Variants in ERCC4 observed in about 807,000 individuals in gnomAD.
ERCC4 encodes the protein DNA repair endonuclease XPF.
ERCC4 carries 65 observed loss-of-function variants against 76.9 expected under a neutral mutation model. The ratio of observed to expected loss-of-function variants is 0.84; its 90% confidence interval spans 0.69 to 1.04. The LOEUF (loss-of-function observed/expected upper bound fraction) is 1.04. Among genes scored for constraint, ERCC4 ranks in the 50% least tolerant of loss-of-function variants. ERCC4 has a pLI of 0.00. For synonymous variants in ERCC4, 463 were observed against 410.1 expected (o/e 1.13, Z -1.56); for missense variants, 1,214 against 1,128.2 (o/e 1.08, Z -1.09).
At chr16:13,923,609 C>G (rs2141941582) in intron 2 of ERCC4, among the ~76,000 whole-genome samples, 1 of 152,280 alleles carries the variant, frequency 6.6e-6, no homozygotes, top group East Asian at 1.9e-4. Context: ...TGCTAACACC[C>G]TGCTTACAAA....
At chr16:13,932,311 A>C in intron 6 of ERCC4, 26 bp downstream of exon 6, 1 of 1,598,810 alleles carries the variant, frequency 6.3e-7, no homozygotes, top group Non-Finnish European at 8.6e-7. Flanking sequence ...AAGTCTTTAA[A>C]TGTGTTTTTT....
Position 13,952,152 on chromosome 16 carries a change from GTTGTAT to G in ERCC4, c.*3810_*3815del, listed in dbSNP as rs748796519. 1.6e-5 allele frequency: 3 copies of G among 187,584 alleles called. No homozygotes were observed. The highest frequency in any genetic ancestry group is 3.4e-5 in the Non-Finnish European group (3 of 89,324). 11.6% of individuals were successfully genotyped at this position (187,584 alleles called of 1,614,324 possible). On this transcript the variant is annotated 3_prime_UTR_variant, in exon 11 of 11. Coordinates refer to ENST00000311895, the MANE Select transcript of ERCC4 (RefSeq NM_005236.3). ...ACTGATTTATATGAATTTTAACAGA[GTTGTAT>G]TTGTGTGTGTTTAATAAAATATATA...
At chr16:13,921,493 C>G (rs908288933) in intron 1 of ERCC4, among the ~76,000 whole-genome samples, 1 of 152,122 alleles carries the variant, frequency 6.6e-6, no homozygotes, top group African/African-American at 2.4e-5. Flanking sequence ...ATCTAGGTAT[C>G]CCCAGTGCTT....
chr16:13,935,581 C>G lies in ERCC4; in HGVS notation c.1649C>G (p.Pro550Arg), dbSNP rs770347803. The change falls in exon 8 of 11, where the codon CCC becomes CGC. Residue 550 changes from proline (P) to arginine (R), a missense_variant. Transcript: ENST00000311895. ...GCTGCTTTCGGAATCCTGAAAGAAC[C>G]CCTCACTATCATCCATCCGCTTCTG... The part of the protein sequence containing the change: ...SDAAFGILKE[P>R]LTIIHPLLGC... 8 of 1,614,096 alleles carry G rather than the reference C, an allele frequency of 5.0e-6. No homozygotes were observed. In the South Asian group the frequency reaches 6.6e-5, roughly 13 times the overall value.
intron 3 of ERCC4, among the ~76,000 whole-genome samples, chr16:13,927,226 A>G (rs1030601027): frequency 6.6e-6 from 1 of 152,246 alleles, no homozygotes; most frequent in Non-Finnish European, 1.5e-5. Flanking sequence ...TTTGCAACCT[A>G]TGCTACCATG....
chr16:13,921,545 G>A (rs537840775), intron 1 of ERCC4, among the ~76,000 whole-genome samples: 2 of 152,190 alleles, frequency 1.3e-5, no homozygotes, highest in Non-Finnish European at 2.9e-5. Flanking sequence ...AGTAAAGATG[G>A]TTTTAAACTG....
chr16:13,943,427 A>C (rs1277655440), intron 9 of ERCC4, among the ~76,000 whole-genome samples: 2 of 152,228 alleles, frequency 1.3e-5, no homozygotes, highest in African/African-American at 2.4e-5. Flanking sequence ...AATGAGTGCC[A>C]GCAGGACAAA....
At chr16:13,947,514 A>G in intron 10 of ERCC4, 100 bp from the exon 11 acceptor site, 1 of 1,124,798 alleles carries the variant, frequency 8.9e-7, no homozygotes, top group Admixed American at 1.7e-5. Flanking sequence ...TTATGTAACC[A>G]TCCATCAGAG....
intron 9 of ERCC4, among the ~76,000 whole-genome samples, chr16:13,943,741 T>C (rs1329647514): frequency 1.3e-5 from 2 of 152,168 alleles, no homozygotes; most frequent in Non-Finnish European, 2.9e-5. Context: ...GTTTTTTTTT[T>C]TCTTCTCATG....
Position 13,926,618 on chromosome 16 carries a change from T to C in ERCC4, c.446T>C (p.Leu149Ser). The C allele has an allele frequency of 6.2e-7, 1 of 1,614,198 alleles. No individual in the cohort carries two copies. Among genetic ancestry groups the C allele is most frequent in the South Asian group, 1.1e-5 (1 of 91,080 alleles). The change falls in exon 3 of 11, where the codon TTG (leucine) becomes TCG (serine). Residue 149 changes from leucine to serine, a missense_variant. By Grantham distance (145) the Leu-to-Ser change is moderately radical. Transcript: ENST00000311895. ...GAGTCTTGTCAAGAAGCATTCATCT[T>C]GCGCCTCTTTCGCCAGAAAAACAAA... The part of the protein sequence containing the change: ...IIESCQEAFI[L>S]RLFRQKNKRG...
chr16:13,926,723 A>G lies in ERCC4; in HGVS notation c.551A>G (p.Asn184Ser), dbSNP rs2032079923. Residue 184 changes from asparagine (N) to serine (S), a missense_variant, in exon 3 of 11, where the codon AAT becomes AGT. Coordinates refer to ENST00000311895, the MANE Select transcript of ERCC4 (RefSeq NM_005236.3). The stretch of plus-strand genomic sequence containing the variant: ...TGTCATGTGGAAAGAGTGATGAGAA[A>G]TCTTTTTGTGAGGAAACTGTATCTG... ...GFCHVERVMRNLFVRKLYLWP... is the reference protein window; with the variant it reads ...GFCHVERVMRSLFVRKLYLWP... The G allele has an allele frequency of 6.2e-7, 1 of 1,614,004 alleles. No individual in the cohort carries two copies. The highest frequency in any genetic ancestry group is 8.5e-7 in the Non-Finnish European group (1 of 1,179,936).
intron 10 of ERCC4, among the ~76,000 whole-genome samples, chr16:13,947,038 A>G (rs2032528054): frequency 6.6e-6 from 1 of 152,222 alleles, no homozygotes; most frequent in African/African-American, 2.4e-5. Context: ...CTGGGATCAC[A>G]GGCGTGAGCC....
chr16:13,944,856 G>C, intron 10 of ERCC4, 21 bp downstream of exon 10: 2 of 1,476,690 alleles, frequency 1.4e-6, no homozygotes, highest in Non-Finnish European at 1.9e-6. Flanking sequence ...CACTTTGTCA[G>C]GCACCTCCAT....
At chr16:13,922,002 G>A in intron 1 of ERCC4, 29 bp from the exon 2 acceptor site, 1 of 1,543,216 alleles carries the variant, frequency 6.5e-7, no homozygotes. Flanking sequence ...GTATTAAATA[G>A]CCTACTAATC....
chr16:13,923,308 A>G (rs944322813), intron 2 of ERCC4, among the ~76,000 whole-genome samples: 3 of 152,196 alleles, frequency 2.0e-5, no homozygotes, highest in Admixed American at 6.5e-5. Context: ...ATCCCAGGCT[A>G]AATAACTGGT....
In ERCC4 at chr16:13,948,973, T is replaced by G. The variant is rs1326293270; in HGVS notation, c.*626T>G. 8.6e-6 allele frequency: 2 copies of G among 232,472 alleles called. No individual in the cohort carries two copies. Among genetic ancestry groups the G allele is most frequent in the African/African-American group, 4.4e-5 (2 of 45,276 alleles). 14.4% of individuals were successfully genotyped at this position (232,472 alleles called of 1,614,324 possible). ...TTCCTGACCAGTTCTCTCTACCACA[T>G]TTTCTTCAGCTCCATACTTCTGCCT... On this transcript the variant is annotated 3_prime_UTR_variant, in exon 11 of 11. Coordinates refer to ENST00000311895, the MANE Select transcript of ERCC4 (RefSeq NM_005236.3).
rs772205098 is a variant in ERCC4, at chr16:13,926,633, A to G, written c.461A>G (p.Gln154Arg). ...QEAFILRLFR[Q>R]KNKRGFIKAF... ...GCATTCATCTTGCGCCTCTTTCGCC[A>G]GAAAAACAAACGTGGTTTTATTAAA... The change falls in exon 3 of 11, where the codon CAG becomes CGG. Residue 154 changes from glutamine (Q) to arginine (R), a missense_variant. Gln to Arg is a conservative substitution (Grantham distance 43, BLOSUM62 1). Transcript: ENST00000311895. 6.2e-7 allele frequency: 1 copy of G among 1,614,226 alleles called. No homozygotes were observed. Among genetic ancestry groups the G allele is most frequent in the Non-Finnish European group, 8.5e-7 (1 of 1,180,032 alleles).
intron 9 of ERCC4, among the ~76,000 whole-genome samples, chr16:13,940,062 T>G (rs1010173853): frequency 6.6e-6 from 1 of 152,224 alleles, no homozygotes; most frequent in African/African-American, 2.4e-5. Flanking sequence ...AAAGGTGTTA[T>G]ACTCACAATA....
chr16:13,927,876 T>C lies in ERCC4; in HGVS notation c.585-152T>C, dbSNP rs147181158. 25 of 653,886 alleles carry C rather than the reference T, an allele frequency of 3.8e-5. No homozygotes were observed. The Middle Eastern group carries it at 1.2e-3, about 32-fold the overall frequency. 40.5% of individuals were successfully genotyped at this position (653,886 alleles called of 1,614,324 possible). A position where few individuals can be genotyped will look rare whatever the true frequency, so the allele number is the denominator to read the frequency against. On this transcript the variant is annotated intron_variant, in intron 3 of 10. Coordinates refer to ENST00000311895, the MANE Select transcript of ERCC4 (RefSeq NM_005236.3). ...TCTATTCATTGAGGTTCAAAGTGTT[T>C]TTGAAAATGTTGTTGCTTTGCTTTT... is the stretch of plus-strand genomic sequence containing the variant.
Sources: allele counts gnomAD v4.1 joint callset (sites outside exome capture counted in the v4.1 genomes callset), GRCh38; gene constraint gnomAD v4.1.1; transcripts MANE v1.5; gene names NCBI Gene and HGNC (gene_info 2026-07-23, HGNC 2026-07-21).